The following GRM2 variants were observed in gnomAD, a reference collection of about 807,000 sequenced individuals.
The protein encoded by GRM2 is metabotropic glutamate receptor 2.
GRM2 carries 35 observed loss-of-function variants against 60.4 expected under a neutral mutation model. That is an observed-to-expected ratio of 0.58 (90% confidence interval 0.44 to 0.77). The LOEUF (loss-of-function observed/expected upper bound fraction) is 0.77, where lower values mean the gene tolerates loss of function less well. GRM2 is among the 30% of genes least tolerant of loss of function. GRM2 has a pLI of 0.00. For synonymous variants in GRM2, 437 were observed against 484.1 expected, an observed-to-expected ratio of 0.90 and a Z score of 1.28; for missense variants, 925 against 1,199.5, an observed-to-expected ratio of 0.77 and a Z score of 3.38.
intron 1 of GRM2, chr3:51,708,327 C>T (rs1703575310): frequency 6.6e-6 from 1 of 152,182 alleles, no homozygotes; most frequent in African/African-American, 2.4e-5. Flanking sequence ...TGGGTGTTCA[C>T]ATGGGCTCCA....
chr3:51,708,824 TTC>T, intron 1 of GRM2, 22 bp from the exon 2 acceptor site: 1 of 562,394 alleles, frequency 1.8e-6, no homozygotes, highest in Non-Finnish European at 3.1e-6. Context: ...TGGTCTGTTT[TTC>T]TGTCTTTCTA....
At position 51,715,295 on chromosome 3, in the gene GRM2, G is replaced by C; in HGVS notation, c.1522G>C (p.Glu508Gln). 6.2e-7 allele frequency: 1 copy of C among 1,612,106 alleles called. No individual in the cohort carries two copies. Among genetic ancestry groups the C allele is most frequent in the Non-Finnish European group, 8.5e-7 (1 of 1,178,804 alleles). The change falls in exon 4 of 6, where the codon GAG becomes CAG. Residue 508 changes from glutamate to glutamine, a missense_variant. By Grantham distance (29) the Glu-to-Gln change is conservative. Transcript: ENST00000395052. The surrounding 1 kb of genome is among the most constrained non-coding windows in gnomAD (Gnocchi z 9.0). The stretch of plus-strand genomic sequence containing the variant: ...CTGCAGTGAGCCCTGCCTCCAGAAT[G>C]AGGTGAAGAGTGTGCAGCCGGGCGA... ...SRCSEPCLQN[E>Q]VKSVQPGEVC...
Position 51,709,225 on chromosome 3 carries a change from G to T in GRM2, c.242G>T (p.Gly81Val), listed in dbSNP as rs753314932. ...RINRDPHLLPGVRLGAHILDS... is the reference protein window; with the variant it reads ...RINRDPHLLPVVRLGAHILDS... ...AACCGTGACCCGCACCTGCTGCCTG[G>T]CGTGCGCCTGGGTGCACACATCCTC... Residue 81 changes from glycine (G) to valine (V), a missense_variant, in exon 2 of 6, where the codon GGC becomes GTC. Coordinates refer to ENST00000395052, the MANE Select transcript of GRM2 (RefSeq NM_000839.5). 2 of 1,608,870 alleles carry T rather than the reference G, an allele frequency of 1.2e-6. No homozygotes were observed. Among genetic ancestry groups the T allele is most frequent in the South Asian group, 2.2e-5 (2 of 91,022 alleles).
chr3:51,713,486 A>G lies in GRM2; in HGVS notation c.1288+176A>G, dbSNP rs1182848195. ...GGCAGAGAGGACTCCAACTGAAGCT[A>G]CGGCTGAGGTTCCACTTTCTTCCAG... is the stretch of plus-strand genomic sequence containing the variant. On this transcript the variant is annotated intron_variant, in intron 3 of 5. Coordinates refer to ENST00000395052, the MANE Select transcript of GRM2 (RefSeq NM_000839.5). This position sits in a 1 kb window ranked among gnomAD's most constrained non-coding sequence, Gnocchi z 4.8. The G allele has an allele frequency of 8.4e-6, 5 of 595,908 alleles. No individual in the cohort carries two copies. Among genetic ancestry groups the G allele is most frequent in the Non-Finnish European group, 1.5e-5 (5 of 336,420 alleles). The allele number at this position is 595,908 out of a possible 1,614,324, so 36.9% of individuals were successfully genotyped here. A position where few individuals can be genotyped will look rare whatever the true frequency, so the allele number is the denominator to read the frequency against.
chr3:51,709,535 G>A, intron 2 of GRM2, 102 bp downstream of exon 2: 2 of 811,988 alleles, frequency 2.5e-6, no homozygotes, highest in Non-Finnish European at 3.8e-6. Flanking sequence ...GAATTGGAAG[G>A]GAAACTAGAA....
At position 51,709,008 on chromosome 3, in the gene GRM2, G is replaced by A; in HGVS notation, c.25G>A (p.Ala9Thr). Residue 9 changes from alanine to threonine, a missense_variant, in exon 2 of 6, where the codon GCA becomes ACA. Coordinates refer to ENST00000395052, the MANE Select transcript of GRM2 (RefSeq NM_000839.5). The part of the protein sequence containing the change: MGSLLALL[A>T]LLLLWGAVAE... The stretch of plus-strand genomic sequence containing the variant: ...CATGGGATCGCTGCTTGCGCTCCTG[G>A]CACTGCTGCTGCTGTGGGGTGCTGT... The A allele has an allele frequency of 1.9e-6, 3 of 1,588,736 alleles. No individual in the cohort carries two copies. The highest frequency in any genetic ancestry group is 4.5e-5 in the East Asian group (2 of 44,250).
chr3:51,713,588 C>A lies in GRM2; in HGVS notation c.1288+278C>A. ...TTGGGCCTTGCCCACTGTCTTCTGT[C>A]TCCTTATCTTGCCAAAGGTGGAGAC... On this transcript the variant is annotated intron_variant, in intron 3 of 5. Transcript: ENST00000395052. The surrounding 1 kb of genome is among the most constrained non-coding windows in gnomAD (Gnocchi z 4.8). 1 of 446,900 alleles carries A rather than the reference C, an allele frequency of 2.2e-6. No homozygotes were observed. Among genetic ancestry groups the A allele is most frequent in the Non-Finnish European group, 4.0e-6 (1 of 249,758 alleles). The allele number at this position is 446,900 out of a possible 1,614,324, so 27.7% of individuals were successfully genotyped here. A position where few individuals can be genotyped will look rare whatever the true frequency, so the allele number is the denominator to read the frequency against.
rs1489169004 is a variant in GRM2, at chr3:51,712,213, A to G, written c.451-260A>G. 1.3e-5 allele frequency among the ~76,000 whole-genome samples: 2 copies of G among 152,020 alleles called. No individual in the cohort carries two copies. Among genetic ancestry groups the G allele is most frequent in the Non-Finnish European group, 2.9e-5 (2 of 67,996 alleles). The stretch of plus-strand genomic sequence containing the variant: ...CCCCCTGCCATGTGTCTAAAAGGGG[A>G]TGGCAGAGGGGATCAGGTGTGGCTC... On this transcript the variant is annotated intron_variant, in intron 2 of 5. Coordinates refer to ENST00000395052, the MANE Select transcript of GRM2 (RefSeq NM_000839.5). The surrounding 1 kb of genome is among the most constrained non-coding windows in gnomAD (Gnocchi z 5.3).
In GRM2 at chr3:51,715,307, G is replaced by T; in HGVS notation, c.1534G>T (p.Val512Leu). 2 of 1,613,098 alleles carry T rather than the reference G, an allele frequency of 1.2e-6. No homozygotes were observed. The highest frequency in any genetic ancestry group is 8.5e-7 in the Non-Finnish European group (1 of 1,179,530). Residue 512 changes from valine to leucine, a missense_variant, in exon 4 of 6, where the codon GTG becomes TTG. Coordinates refer to ENST00000395052, the MANE Select transcript of GRM2 (RefSeq NM_000839.5). The surrounding 1 kb of genome is among the most constrained non-coding windows in gnomAD (Gnocchi z 9.0). ...CTGCCTCCAGAATGAGGTGAAGAGT[G>T]TGCAGCCGGGCGAAGTCTGCTGCTG... ...EPCLQNEVKS[V>L]QPGEVCCWLC...
At chr3:51,711,546 G>A (rs1324909655) in intron 2 of GRM2, 1 of 152,512 alleles carries the variant, frequency 6.6e-6, no homozygotes, top group Non-Finnish European at 1.5e-5. Flanking sequence ...GCACCTGCCT[G>A]TTAATATTCC....
chr3:51,713,122 T>C lies in GRM2; in HGVS notation c.1100T>C (p.Leu367Pro), dbSNP rs1408573308. Residue 367 changes from leucine (L) to proline (P), a missense_variant, in exon 3 of 6, where the codon CTC becomes CCC. Transcript: ENST00000395052. The surrounding 1 kb of genome is among the most constrained non-coding windows in gnomAD (Gnocchi z 4.8). ...FRQRDCAAHSLRAVPFEQESK... is the reference protein window; with the variant it reads ...FRQRDCAAHSPRAVPFEQESK... The stretch of plus-strand genomic sequence containing the variant: ...CAGCGAGACTGCGCAGCCCACTCTC[T>C]CCGGGCTGTGCCCTTTGAGCAGGAG... 6.2e-7 allele frequency: 1 copy of C among 1,613,122 alleles called. No individual in the cohort carries two copies. The highest frequency in any genetic ancestry group is 1.7e-5 in the Admixed American group (1 of 60,022).
chr3:51,715,545 G>A lies in GRM2; in HGVS notation c.1772G>A (p.Arg591Gln), dbSNP rs370866853. 1.4e-5 allele frequency: 22 copies of A among 1,613,686 alleles called. No individual in the cohort carries two copies. Among genetic ancestry groups the A allele is most frequent in the Admixed American group, 1.7e-5 (1 of 60,012 alleles). The part of the protein sequence containing the change: ...ATLFVLGVFV[R>Q]HNATPVVKAS... The stretch of plus-strand genomic sequence containing the variant: ...CTCTTTGTGCTGGGTGTCTTTGTGC[G>A]GCACAATGCCACACCAGTGGTCAAG... The change falls in exon 4 of 6, where the codon CGG (arginine) becomes CAG (glutamine). Residue 591 changes from arginine to glutamine, a missense_variant. Physicochemically the swap from Arg to Gln is conservative, Grantham distance 43 (BLOSUM62 1). Coordinates refer to ENST00000395052, the MANE Select transcript of GRM2 (RefSeq NM_000839.5). This position sits in a 1 kb window ranked among gnomAD's most constrained non-coding sequence, Gnocchi z 9.0.
Position 51,709,446 on chromosome 3 carries a change from C to T in GRM2, c.450+13C>T, listed in dbSNP as rs995264250. 31 of 1,504,490 alleles carry T rather than the reference C, an allele frequency of 2.1e-5. No homozygotes were observed. Among genetic ancestry groups the T allele is most frequent in the Non-Finnish European group, 2.8e-5 (31 of 1,113,522 alleles). The allele number at this position is 1,504,490 out of a possible 1,614,324, so 93.2% of individuals were successfully genotyped here. A position where few individuals can be genotyped will look rare whatever the true frequency, so the allele number is the denominator to read the frequency against. On this transcript the variant is annotated intron_variant, in intron 2 of 5. Coordinates refer to ENST00000395052, the MANE Select transcript of GRM2 (RefSeq NM_000839.5). ...TGTCTCCATCCAGGTACGTGGAAGC[C>T]ACCCAAATGGGGGCTAGGGAGGGAG...
chr3:51,709,746 A>C (rs1425540741), intron 2 of GRM2, among the ~76,000 whole-genome samples: 3 of 340 alleles, frequency 8.8e-3, no homozygotes, highest in African/African-American at 0.016. Flanking sequence ...CGACACACCC[A>C]CACACACCCA....
Position 51,712,401 on chromosome 3 carries a change from GC to G in GRM2, c.451-71del. The G allele has an allele frequency of 1.0e-6, 1 of 984,244 alleles. No individual in the cohort carries two copies. The highest frequency in any genetic ancestry group is 1.6e-6 in the Non-Finnish European group (1 of 628,446). 61.0% of individuals were successfully genotyped at this position (984,244 alleles called of 1,614,324 possible). On this transcript the variant is annotated intron_variant, in intron 2 of 5. Transcript: ENST00000395052. The surrounding 1 kb of genome is among the most constrained non-coding windows in gnomAD (Gnocchi z 5.3). ...GGACACTTGACACCAAGACCTGCTA[GC>G]TGTGGGGGATGCACCTGTCTCTAGT...
Position 51,718,148 on chromosome 3 carries a change from G to C in GRM2, c.*36G>C. 6.3e-7 allele frequency: 1 copy of C among 1,581,120 alleles called. No individual in the cohort carries two copies. Among genetic ancestry groups the C allele is most frequent in the Non-Finnish European group, 8.7e-7 (1 of 1,149,920 alleles). ...CTCCCGCCCTGACACAGCTGCTCCT[G>C]GGAACCTAGTGCAGACCCACGTCCA... On this transcript the variant is annotated 3_prime_UTR_variant, in exon 6 of 6. Coordinates refer to ENST00000395052, the MANE Select transcript of GRM2 (RefSeq NM_000839.5). The surrounding 1 kb of genome is among the most constrained non-coding windows in gnomAD (Gnocchi z 4.2).
intron 2 of GRM2, among the ~76,000 whole-genome samples, chr3:51,709,684 AC>A (rs1703627975): frequency 1.3e-4 from 1 of 7,834 alleles, no homozygotes; most frequent in African/African-American, 4.8e-4. Context: ...ACACACACAC[AC>A]CCCACACACC....
chr3:51,708,329 TGGGCTCCAGTCTCCCCAC>T (rs1380431115), intron 1 of GRM2: 1 of 152,218 alleles, frequency 6.6e-6, no homozygotes, highest in Non-Finnish European at 1.5e-5. Flanking sequence ...GGTGTTCACA[TGGGCTCCAGTCTCCCCAC>T]GGGTTGGAGA....
rs200055532 is a variant in GRM2, at chr3:51,709,305, G to A, written c.322G>A (p.Ala108Thr). 8.7e-6 allele frequency: 14 copies of A among 1,602,996 alleles called. No individual in the cohort carries two copies. Among genetic ancestry groups the A allele is most frequent in the Admixed American group, 1.7e-5 (1 of 59,862 alleles). ...GGAGCAGGCACTGGACTTTGTGCGT[G>A]CCTCACTCAGCCGTGGTGCTGATGG... ...ALEQALDFVR[A>T]SLSRGADGSR... The change falls in exon 2 of 6, where the codon GCC (alanine) becomes ACC (threonine). Residue 108 changes from alanine to threonine, a missense_variant. Transcript: ENST00000395052.
Sources: gnomAD v4.1 joint callset for allele counts (sites outside exome capture counted in the v4.1 genomes callset) on GRCh38, gnomAD v4.1.1 for gene constraint, Gnocchi (gnomAD v3.1) non-coding constraint, MANE v1.5 for transcripts, NCBI Gene and HGNC (gene_info 2026-07-23, HGNC 2026-07-21) for gene names.